The following L3MBTL4 variants were observed in gnomAD, a reference collection of about 807,000 sequenced individuals.
L3MBTL4 encodes L3MBTL histone methyl-lysine binding protein 4.
In L3MBTL4, 70 loss-of-function variants were observed where a neutral mutation model predicts 84.5. The ratio of observed to expected loss-of-function variants is 0.83; its 90% confidence interval spans 0.68 to 1.01. The LOEUF is 1.01. Among genes scored for constraint, L3MBTL4 ranks in the 50% least tolerant of loss-of-function variants. The pLI, the probability that L3MBTL4 is intolerant of heterozygous loss-of-function variation, is 0.00. For synonymous variants in L3MBTL4, 274 were observed against 259.8 expected (o/e 1.05, Z -0.52); for missense variants, 715 against 754.8 (o/e 0.95, Z 0.62).
intron 12 of L3MBTL4, among the ~76,000 whole-genome samples, chr18:6,176,097 C>T (rs1251278999): frequency 6.6e-6 from 1 of 152,094 alleles, no homozygotes; most frequent in Non-Finnish European, 1.5e-5. Flanking sequence ...GGCTGGAAGA[C>T]TCAATATTAT....
intron 12 of L3MBTL4, among the ~76,000 whole-genome samples, chr18:6,207,625 C>CA (rs1215203116): frequency 2.0e-5 from 3 of 152,098 alleles, no homozygotes; most frequent in Non-Finnish European, 4.4e-5. Flanking sequence ...TTTACCTACT[C>CA]AAAAAATCAT....
intron 1 of L3MBTL4, among the ~76,000 whole-genome samples, chr18:6,313,758 CA>C (rs2146966044): frequency 6.6e-6 from 1 of 152,192 alleles, no homozygotes; most frequent in South Asian, 2.1e-4. Context: ...ATAATCCCTG[CA>C]ATTATCTCAA....
chr18:6,238,326 G>C (rs1459743934), intron 9 of L3MBTL4, among the ~76,000 whole-genome samples: 1 of 152,208 alleles, frequency 6.6e-6, no homozygotes, highest in East Asian at 1.9e-4. Flanking sequence ...GAGGTCAGGA[G>C]ATCGAGACCA....
intron 13 of L3MBTL4, among the ~76,000 whole-genome samples, chr18:6,169,988 A>T (rs1454681563): frequency 6.6e-6 from 1 of 152,154 alleles, no homozygotes. Context: ...TTCCTGAGAG[A>T]AGATTTAATT....
At chr18:6,033,793 T>C (rs747483354) in intron 16 of L3MBTL4, among the ~76,000 whole-genome samples, 100 of 152,330 alleles carry the variant, frequency 6.6e-4, no homozygotes, top group Non-Finnish European at 1.1e-3. Context: ...TTAAGTCCGA[T>C]GACACACAAA....
At chr18:6,308,874 T>C (rs1033028113) in intron 3 of L3MBTL4, among the ~76,000 whole-genome samples, 4 of 152,220 alleles carry the variant, frequency 2.6e-5, no homozygotes, top group Non-Finnish European at 5.9e-5. Flanking sequence ...CTTACTTTAC[T>C]GCCTGTCTGT....
intron 16 of L3MBTL4, among the ~76,000 whole-genome samples, chr18:6,035,249 C>CTAGGTTTTCTTCTAGGGTT (rs1187009926): frequency 6.6e-6 from 1 of 151,948 alleles, no homozygotes; most frequent in Non-Finnish European, 1.5e-5. Context: ...ATGGTAATGC[C>CTAGGTTTTCTTCTAGGGTT]TAGGTTTTCT....
At chr18:6,106,316 CTGATGATATTAACA>C (rs1188852468) in intron 14 of L3MBTL4, among the ~76,000 whole-genome samples, 1 of 152,182 alleles carries the variant, frequency 6.6e-6, no homozygotes, top group Non-Finnish European at 1.5e-5. Flanking sequence ...CAAATGGATA[CTGATGATATTAACA>C]TATTTATATA....
chr18:5,969,309 T>C, intron 17 of L3MBTL4, 84 bp downstream of exon 17: 1 of 1,479,578 alleles, frequency 6.8e-7, no homozygotes, highest in Non-Finnish European at 9.4e-7. Context: ...GTCCCAGACA[T>C]CAAAGAATGG....
Position 6,311,999 on chromosome 18 carries a change from T to G in L3MBTL4, c.-33A>C. ...AGCCTGCACAGCTTCTGTACTCACATGGTCTGACACGTATTCTTGGTAAGA... is the reference window on the plus strand; with the variant it reads ...AGCCTGCACAGCTTCTGTACTCACAGGGTCTGACACGTATTCTTGGTAAGA... On this transcript the variant is annotated splice_region_variant and 5_prime_UTR_variant, in exon 2 of 19. Coordinates refer to ENST00000317931, the MANE Select transcript of L3MBTL4 (RefSeq NM_001330559.2). 5.0e-6 allele frequency: 1 copy of G among 199,030 alleles called. No individual in the cohort carries two copies. Among genetic ancestry groups the G allele is most frequent in the South Asian group, 9.5e-5 (1 of 10,534 alleles). 12.3% of individuals were successfully genotyped at this position (199,030 alleles called of 1,614,324 possible). A position where few individuals can be genotyped will look rare whatever the true frequency, so the allele number is the denominator to read the frequency against.
intron 16 of L3MBTL4, among the ~76,000 whole-genome samples, chr18:5,980,416 T>C (rs772841498): frequency 6.8e-6 from 1 of 146,822 alleles, no homozygotes; most frequent in Non-Finnish European, 1.5e-5. Flanking sequence ...AACGTATAAA[T>C]AAATTAGTTT....
At chr18:6,292,102 T>G (rs976893435) in intron 4 of L3MBTL4, among the ~76,000 whole-genome samples, 2 of 152,180 alleles carry the variant, frequency 1.3e-5, no homozygotes, top group Non-Finnish European at 2.9e-5. Context: ...ATTATATCAA[T>G]CTATTAAATT....
chr18:6,351,754 T>C (rs1038498025), intron 1 of L3MBTL4, among the ~76,000 whole-genome samples: 7 of 152,042 alleles, frequency 4.6e-5, no homozygotes, highest in East Asian at 1.9e-4. Flanking sequence ...GGTTTCACCA[T>C]GTTAGCCAGG....
At chr18:6,329,151 CTTTTTTTTTTTTT>C (rs992694853) in intron 1 of L3MBTL4, among the ~76,000 whole-genome samples, 35 of 126,558 alleles carry the variant, frequency 2.8e-4, no homozygotes, top group Non-Finnish European at 4.8e-4. Context: ...TTTTTCTTTT[CTTTTTTTTTTTTT>C]TTTTTTTGAG....
chr18:5,957,945 T>A (rs1195194534), intron 18 of L3MBTL4, among the ~76,000 whole-genome samples: 2 of 115,190 alleles, frequency 1.7e-5, no homozygotes, highest in African/African-American at 3.5e-5. Flanking sequence ...GGGCAACAGA[T>A]AGAGACTCCA....
chr18:6,050,140 T>C (rs557465612), intron 16 of L3MBTL4, among the ~76,000 whole-genome samples: 2 of 152,118 alleles, frequency 1.3e-5, no homozygotes, highest in Admixed American at 6.5e-5. Flanking sequence ...AAACTTTTTT[T>C]AAAAAAATTA....
At chr18:6,320,394 T>A (rs903356307) in intron 1 of L3MBTL4, among the ~76,000 whole-genome samples, 6 of 152,006 alleles carry the variant, frequency 3.9e-5, no homozygotes, top group Non-Finnish European at 7.4e-5. Flanking sequence ...CCTCCAGAAG[T>A]CTCCTAGATT....
At chr18:6,333,410 T>C (rs1459835160) in intron 1 of L3MBTL4, among the ~76,000 whole-genome samples, 1 of 151,926 alleles carries the variant, frequency 6.6e-6, no homozygotes, top group Non-Finnish European at 1.5e-5. Flanking sequence ...CCATCTCTAC[T>C]AACAATACAA....
At chr18:6,179,935 G>A (rs920024545) in intron 12 of L3MBTL4, among the ~76,000 whole-genome samples, 1 of 152,186 alleles carries the variant, frequency 6.6e-6, no homozygotes, top group African/African-American at 2.4e-5. Flanking sequence ...ACTGAGTGCG[G>A]CCCTATATAG....
Sources: allele counts gnomAD v4.1 joint callset (sites outside exome capture counted in the v4.1 genomes callset), GRCh38; gene constraint gnomAD v4.1.1; transcripts MANE v1.5; gene names NCBI Gene and HGNC (gene_info 2026-07-23, HGNC 2026-07-21).